Variants in TIMP2 observed in about 807,000 individuals in gnomAD.
The protein encoded by TIMP2 is TIMP metallopeptidase inhibitor 2, also known as metalloproteinase inhibitor 2.
Under a neutral mutation model 24.3 loss-of-function variants are expected in TIMP2, and 5 were observed. That is an observed-to-expected ratio of 0.21 (90% CI 0.11 to 0.43). TIMP2 has a LOEUF of 0.43. TIMP2 is among the 20% of genes least tolerant of loss of function. The pLI is 1.00. For synonymous variants in TIMP2, 130 were observed against 123.2 expected, an observed-to-expected ratio of 1.06 and a Z score of -0.37; for missense variants, 221 against 297.5, an observed-to-expected ratio of 0.74 and a Z score of 1.89.
At chr17:78,890,032 T>C (rs1264224292) in intron 1 of TIMP2, among the ~76,000 whole-genome samples, 1 of 151,986 alleles carries the variant, frequency 6.6e-6, no homozygotes, top group Non-Finnish European at 1.5e-5. Flanking sequence ...GGCAGGAGAA[T>C]TGCTTAAGCC....
At chr17:78,858,909 A>G (rs2069546592) in intron 3 of TIMP2, among the ~76,000 whole-genome samples, 1 of 152,078 alleles carries the variant, frequency 6.6e-6, no homozygotes, top group South Asian at 2.1e-4. Context: ...TCTTGAACTG[A>G]GCTTAAGTGA....
chr17:78,902,057 C>T, intron 1 of TIMP2: 2 of 513,542 alleles, frequency 3.9e-6, no homozygotes, highest in Non-Finnish European at 6.9e-6. Flanking sequence ...GGTTTTCGCC[C>T]TCTTCTCCCC....
chr17:78,923,712 C>T (rs1465484090), intron 1 of TIMP2, among the ~76,000 whole-genome samples: 3 of 152,220 alleles, frequency 2.0e-5, no homozygotes, highest in Non-Finnish European at 2.9e-5. Context: ...AAGCCTTCCG[C>T]CCAGGTGGCC....
chr17:78,873,695 C>T lies in TIMP2; in HGVS notation c.231+124G>A, dbSNP rs144828860. 4.8e-4 allele frequency: 336 copies of T among 703,332 alleles called. 3 individuals carry two copies. In the African/African-American group the frequency reaches 5.3e-3, roughly 11 times the overall value. 43.6% of individuals were successfully genotyped at this position (703,332 alleles called of 1,614,324 possible). A position where few individuals can be genotyped will look rare whatever the true frequency, so the allele number is the denominator to read the frequency against. On this transcript the variant is annotated intron_variant, in intron 2 of 4. Coordinates refer to ENST00000262768, the MANE Select transcript of TIMP2 (RefSeq NM_003255.5). ...ATCGGATCTATTTGCAGCTTGATGA[C>T]CTCATCCTCTGCTCTAGTCCACAGG...
intron 1 of TIMP2, among the ~76,000 whole-genome samples, chr17:78,874,485 C>G (rs1300077561): frequency 6.6e-6 from 1 of 152,178 alleles, no homozygotes; most frequent in East Asian, 1.9e-4. Context: ...CTTAAACGTA[C>G]CCGGCATATT....
intron 1 of TIMP2, among the ~76,000 whole-genome samples, chr17:78,907,946 C>A (rs569540592): frequency 7.2e-4 from 109 of 152,184 alleles, no homozygotes; most frequent in Admixed American, 4.1e-3. Context: ...CCGGCCTGAA[C>A]AACATGGCGA....
At chr17:78,862,518 A>G (rs1324044877) in intron 3 of TIMP2, among the ~76,000 whole-genome samples, 2 of 152,214 alleles carry the variant, frequency 1.3e-5, no homozygotes, top group Non-Finnish European at 2.9e-5. Context: ...ATTGGTGGAG[A>G]AGATACACAG....
intron 1 of TIMP2, among the ~76,000 whole-genome samples, chr17:78,884,647 G>T (rs973057778): frequency 7.8e-4 from 118 of 152,248 alleles, no homozygotes; most frequent in African/African-American, 2.8e-3. Context: ...TGTCCTGGGG[G>T]GTGTGCATCT....
At chr17:78,882,450 G>A (rs11653359) in intron 1 of TIMP2, among the ~76,000 whole-genome samples, 93,498 of 152,158 alleles carry the variant, frequency 0.61, 30,502 homozygotes, top group Admixed American at 0.72. Context: ...GCCCTGCCCT[G>A]CAACTGCTGT....
intron 1 of TIMP2, among the ~76,000 whole-genome samples, chr17:78,912,975 C>G (rs143716008): frequency 6.6e-6 from 1 of 151,694 alleles, no homozygotes; most frequent in East Asian, 2.0e-4. Flanking sequence ...GAGGCCGAGG[C>G]GGGCAGATCA....
At chr17:78,884,785 C>T (rs1274791617) in intron 1 of TIMP2, among the ~76,000 whole-genome samples, 2 of 152,220 alleles carry the variant, frequency 1.3e-5, no homozygotes, top group Non-Finnish European at 2.9e-5. Flanking sequence ...GCCATTTGCA[C>T]GAACTGGAAG....
intron 1 of TIMP2, among the ~76,000 whole-genome samples, chr17:78,917,985 C>G (rs774135849): frequency 6.6e-6 from 1 of 152,074 alleles, no homozygotes; most frequent in Non-Finnish European, 1.5e-5. Flanking sequence ...AGTGACTTGA[C>G]GTTTGGAGGG....
intron 1 of TIMP2, among the ~76,000 whole-genome samples, chr17:78,903,608 C>T (rs2070127899): frequency 1.3e-5 from 2 of 152,168 alleles, no homozygotes; most frequent in Admixed American, 1.3e-4. Context: ...CTCCAGAAAG[C>T]CATCGTTAAA....
intron 1 of TIMP2, chr17:78,901,634 T>C (rs376333330): frequency 3.9e-5 from 27 of 692,090 alleles, no homozygotes; most frequent in Middle Eastern, 3.5e-4. Flanking sequence ...AAGAGTACTA[T>C]GTGACCTAGG....
chr17:78,907,097 G>A (rs1177178370), intron 1 of TIMP2, among the ~76,000 whole-genome samples: 1 of 148,350 alleles, frequency 6.7e-6, no homozygotes, highest in Non-Finnish European at 1.5e-5. Context: ...GCAATGGTGT[G>A]ATCTCGGCTC....
chr17:78,868,578 T>C (rs1567993134), intron 3 of TIMP2, among the ~76,000 whole-genome samples: 1 of 152,174 alleles, frequency 6.6e-6, no homozygotes, highest in Non-Finnish European at 1.5e-5. Context: ...CTTAAGTTTG[T>C]GATCAGATTC....
intron 1 of TIMP2, among the ~76,000 whole-genome samples, chr17:78,892,803 C>G (rs2069922331): frequency 6.6e-6 from 1 of 152,164 alleles, no homozygotes. Context: ...CTGAATACCC[C>G]ACACTGCACA....
At chr17:78,893,564 T>C (rs1246752745) in intron 1 of TIMP2, among the ~76,000 whole-genome samples, 4 of 151,878 alleles carry the variant, frequency 2.6e-5, no homozygotes, top group African/African-American at 9.7e-5. Flanking sequence ...CATCTGTGTG[T>C]ACAGGGGGGT....
chr17:78,857,270 G>C, intron 4 of TIMP2: 1 of 490,838 alleles, frequency 2.0e-6, no homozygotes, highest in East Asian at 3.6e-5. Flanking sequence ...TTACAGGCGT[G>C]AGCCGCAGCG....
Sources: allele counts gnomAD v4.1 joint callset (sites outside exome capture counted in the v4.1 genomes callset), GRCh38; gene constraint gnomAD v4.1.1; transcripts MANE v1.5; gene names NCBI Gene and HGNC (gene_info 2026-07-23, HGNC 2026-07-21).